PRKAR1B: variants seen among roughly 807,000 people sequenced by gnomAD.
PRKAR1B encodes cAMP-dependent protein kinase type I-beta regulatory subunit.
PRKAR1B carries 22 observed loss-of-function variants against 46.5 expected under a neutral mutation model. That is an observed-to-expected ratio of 0.47 (90% CI 0.34 to 0.68). The LOEUF is 0.68. Ranked by LOEUF, PRKAR1B falls within the 30% of genes least tolerant of loss-of-function variation. The probability of loss-of-function intolerance (pLI) is 0.01; values close to 1 mark genes in which losing one functional copy is unlikely to be tolerated. For missense variants in PRKAR1B, 445 were observed against 535.6 expected (o/e 0.83, Z 1.67); for synonymous variants, 259 against 217.7 (o/e 1.19, Z -1.67).
chr7:570,181 G>A (rs1328047107), intron 9 of PRKAR1B, among the ~76,000 whole-genome samples: 2 of 152,222 alleles, frequency 1.3e-5, no homozygotes, highest in African/African-American at 2.4e-5. Context: ...AGGACGCGCG[G>A]CCGGTGCAGG....
At chr7:577,070 T>C (rs183738169) in intron 9 of PRKAR1B, among the ~76,000 whole-genome samples, 92 of 137,366 alleles carry the variant, frequency 6.7e-4, no homozygotes, top group African/African-American at 2.2e-3. Context: ...CCTCACCCAA[T>C]GCCATCAGCG....
At chr7:618,807 C>T (rs960604883) in intron 4 of PRKAR1B, among the ~76,000 whole-genome samples, 1 of 152,148 alleles carries the variant, frequency 6.6e-6, no homozygotes, top group African/African-American at 2.4e-5. Context: ...TTTTAGATAC[C>T]GGTTGCTTGT....
At chr7:589,156 T>A (rs572646153) in intron 7 of PRKAR1B, among the ~76,000 whole-genome samples, 1 of 151,260 alleles carries the variant, frequency 6.6e-6, no homozygotes, top group South Asian at 2.1e-4. Context: ...TGACTCCCCA[T>A]GCCCTTGGAC....
chr7:600,478 G>T (rs1454768553), intron 6 of PRKAR1B, among the ~76,000 whole-genome samples: 2 of 152,248 alleles, frequency 1.3e-5, no homozygotes, highest in African/African-American at 2.4e-5. Context: ...GGGCGACAGA[G>T]CGAGACCCCA....
chr7:711,012 C>T lies in PRKAR1B; in HGVS notation c.177+317G>A, dbSNP rs578243795. On this transcript the variant is annotated intron_variant, in intron 2 of 10. Coordinates refer to ENST00000537384, the MANE Select transcript of PRKAR1B (RefSeq NM_001164760.2). ...ACTGTCGGTGAGCCCCACAAGCTAG[C>T]GAAACACCTGGACCTAAAACCCTGA... Among the ~76,000 whole-genome samples the T allele has an allele frequency of 3.3e-5, 5 of 152,256 alleles. No homozygotes were observed. In the South Asian group the frequency reaches 8.3e-4, roughly 25 times the overall value.
At chr7:620,505 T>TC (rs1202063653) in intron 4 of PRKAR1B, among the ~76,000 whole-genome samples, 2 of 152,220 alleles carry the variant, frequency 1.3e-5, no homozygotes, top group Non-Finnish European at 2.9e-5. Flanking sequence ...CTCTTTTTTT[T>TC]CTCTCTTTCT....
chr7:577,319 T>C (rs1302719158), intron 9 of PRKAR1B, among the ~76,000 whole-genome samples: 1 of 152,210 alleles, frequency 6.6e-6, no homozygotes, highest in African/African-American at 2.4e-5. Flanking sequence ...ATGATCCTCG[T>C]CACTGCCCAC....
At chr7:665,915 G>A (rs1316182873) in intron 4 of PRKAR1B, among the ~76,000 whole-genome samples, 7 of 152,194 alleles carry the variant, frequency 4.6e-5, no homozygotes, top group Admixed American at 1.3e-4. Context: ...AGACAGCTGC[G>A]CAGGCCAGCG....
chr7:722,132 G>C (rs1238227268), intron 1 of PRKAR1B, among the ~76,000 whole-genome samples: 1 of 105,968 alleles, frequency 9.4e-6, no homozygotes, highest in Non-Finnish European at 1.7e-5. Context: ...ATGGAGTCTT[G>C]CTCTGTCACC....
At chr7:631,358 A>C (rs1464287742) in intron 4 of PRKAR1B, among the ~76,000 whole-genome samples, 2 of 152,228 alleles carry the variant, frequency 1.3e-5, no homozygotes, top group African/African-American at 4.8e-5. Context: ...CATAGACCTT[A>C]CAGATACGGC....
intron 6 of PRKAR1B, among the ~76,000 whole-genome samples, chr7:603,933 G>A (rs1386405149): frequency 1.7e-5 from 2 of 120,022 alleles, no homozygotes; most frequent in Non-Finnish European, 3.4e-5. Context: ...GGGGCTATAA[G>A]TAGTAGCATG....
intron 2 of PRKAR1B, among the ~76,000 whole-genome samples, chr7:701,447 G>C (rs1055000771): frequency 9.9e-5 from 15 of 152,240 alleles, no homozygotes; most frequent in Non-Finnish European, 2.1e-4. Context: ...AGGAAAAAGA[G>C]ATTGGTACAG....
At chr7:588,901 TGAC>T (rs1388199629) in intron 7 of PRKAR1B, among the ~76,000 whole-genome samples, 118 of 9,212 alleles carry the variant, frequency 0.013, 38 homozygotes, top group East Asian at 0.047. Context: ...GTGGTGATGG[TGAC>T]GGTGGTGATG....
rs914235661 is a variant in PRKAR1B at position 571,439 on chromosome 7, C to T, written c.891+7817G>A. Among the ~76,000 whole-genome samples the T allele has an allele frequency of 5.3e-5, 8 of 152,314 alleles. No homozygotes were observed. In the South Asian group the frequency reaches 6.2e-4, roughly 12 times the overall value. ...TTCAGGCGTCGGCGGGGAGGAGGCG[C>T]GGGGCTCTGATGAGCCAGGAAAAGT... On this transcript the variant is annotated intron_variant, in intron 9 of 10. Transcript: ENST00000537384.
At chr7:675,149 T>C (rs1786507511) in intron 4 of PRKAR1B, among the ~76,000 whole-genome samples, 1 of 152,188 alleles carries the variant, frequency 6.6e-6, no homozygotes, top group Admixed American at 6.5e-5. Context: ...CACGTGACCT[T>C]GGCAAAGGCA....
chr7:672,300 G>T lies in PRKAR1B; in HGVS notation c.440+4929C>A, dbSNP rs371040293. 3.3e-5 allele frequency among the ~76,000 whole-genome samples: 5 copies of T among 151,952 alleles called. 1 individual carries two copies. The South Asian group carries it at 1.0e-3, about 32-fold the overall frequency. On this transcript the variant is annotated intron_variant, in intron 4 of 10. Transcript: ENST00000537384. ...TGAGTAGCTGGGATTACAGGCATGC[G>T]CAACTGTGCTCAGCCTAATTTTTGT...
chr7:649,324 C>T (rs1469624494), intron 4 of PRKAR1B, among the ~76,000 whole-genome samples: 1 of 152,096 alleles, frequency 6.6e-6, no homozygotes, highest in African/African-American at 2.4e-5. Flanking sequence ...TTTTGATCTC[C>T]CTATCATGCT....
chr7:685,270 G>GTATATATACGTATATA (rs1340175404), intron 2 of PRKAR1B, among the ~76,000 whole-genome samples: 2 of 24,856 alleles, frequency 8.0e-5, no homozygotes, highest in African/African-American at 3.0e-4. Flanking sequence ...ACATATATAC[G>GTATATATACGTATATA]TATATATACG....
intron 9 of PRKAR1B, among the ~76,000 whole-genome samples, chr7:575,648 C>T (rs1217164225): frequency 1.2e-4 from 18 of 152,068 alleles, no homozygotes; most frequent in Admixed American, 2.0e-4. Context: ...TGAGCTCAAG[C>T]GATCCTCCCG....
Sources: gnomAD v4.1 joint callset for allele counts (sites outside exome capture counted in the v4.1 genomes callset) on GRCh38, gnomAD v4.1.1 for gene constraint, MANE v1.5 for transcripts, NCBI Gene and HGNC (gene_info 2026-07-23, HGNC 2026-07-21) for gene names.